Variants in RALGAPB observed in about 807,000 individuals in gnomAD.
The protein encoded by RALGAPB is ral GTPase-activating protein subunit beta.
A neutral mutation model predicts 161.1 loss-of-function variants in RALGAPB; 25 were observed. That is an observed-to-expected ratio of 0.16 (90% CI 0.11 to 0.22). The LOEUF (loss-of-function observed/expected upper bound fraction) is 0.22. Ranked by LOEUF, RALGAPB falls within the 10% of genes least tolerant of loss-of-function variation. RALGAPB has a pLI of 1.00. For synonymous variants in RALGAPB, 629 were observed against 626.1 expected, an observed-to-expected ratio of 1.00 and a Z score of -0.07; for missense variants, 1,391 against 1,815.2, an observed-to-expected ratio of 0.77 and a Z score of 4.25.
chr20:38,535,914 G>A (rs1385601409), intron 16 of RALGAPB, among the ~76,000 whole-genome samples: 3 of 152,058 alleles, frequency 2.0e-5, no homozygotes, highest in South Asian at 2.1e-4. Context: ...TTCTTTCCCA[G>A]CCGTTACTTC....
chr20:38,518,303 A>G (rs2086192302), intron 9 of RALGAPB, among the ~76,000 whole-genome samples: 1 of 152,182 alleles, frequency 6.6e-6, no homozygotes, highest in South Asian at 2.1e-4. Flanking sequence ...AGTTCCCTTC[A>G]TGTCAGCCAG....
intron 5 of RALGAPB, 39 bp downstream of exon 5, chr20:38,499,672 T>G (rs777598051): frequency 6.4e-7 from 1 of 1,566,612 alleles, no homozygotes; most frequent in South Asian, 1.2e-5. Flanking sequence ...TTCACCTGTC[T>G]GACCTTAGGC....
At chr20:38,512,601 A>G (rs2085993988) in intron 6 of RALGAPB, among the ~76,000 whole-genome samples, 2 of 152,330 alleles carry the variant, frequency 1.3e-5, no homozygotes, top group South Asian at 2.1e-4. Flanking sequence ...GAAGTAGAAC[A>G]CTGTTGAATT....
chr20:38,548,790 C>A lies in RALGAPB; in HGVS notation c.3004C>A (p.Gln1002Lys), dbSNP rs776540316. 1 of 1,607,702 alleles carries A rather than the reference C, an allele frequency of 6.2e-7. No homozygotes were observed. Among genetic ancestry groups the A allele is most frequent in the South Asian group, 1.1e-5 (1 of 90,938 alleles). ...TTTACCCAGAGGAGCAAAAGCAAATCAGAAGGTATTCATCAGAAGTTACAG... is the reference window on the plus strand; with the variant it reads ...TTTACCCAGAGGAGCAAAAGCAAATAAGAAGGTATTCATCAGAAGTTACAG... ...CLLPRGAKAN[Q>K]KLFVPEPRPV... The change falls in exon 20 of 30, where the codon CAG (glutamine) becomes AAG (lysine). Residue 1002 changes from glutamine (Q) to lysine (K), a missense_variant. Transcript: ENST00000262879.
chr20:38,515,717 C>CTTTTTCTT (rs151170103), intron 6 of RALGAPB, among the ~76,000 whole-genome samples: 2 of 151,586 alleles, frequency 1.3e-5, no homozygotes, highest in Admixed American at 6.6e-5. Context: ...CATTCCATTG[C>CTTTTTCTT]TTTTTCTTTT....
At chr20:38,550,865 C>T (rs571020677) in intron 20 of RALGAPB, among the ~76,000 whole-genome samples, 14 of 152,242 alleles carry the variant, frequency 9.2e-5, no homozygotes, top group African/African-American at 3.4e-4. Flanking sequence ...TATAAGAAGT[C>T]GATGAATATT....
At chr20:38,498,116 G>C (rs915387427) in intron 4 of RALGAPB, among the ~76,000 whole-genome samples, 1 of 150,754 alleles carries the variant, frequency 6.6e-6, no homozygotes, top group Admixed American at 6.6e-5. Flanking sequence ...TTAAATTAGA[G>C]CCTATAGATA....
intron 10 of RALGAPB, among the ~76,000 whole-genome samples, chr20:38,522,983 G>C (rs1193843504): frequency 6.6e-6 from 1 of 152,112 alleles, no homozygotes; most frequent in Non-Finnish European, 1.5e-5. Flanking sequence ...ATTGTAGTGT[G>C]CTTCTGAGTT....
chr20:38,540,966 G>C, intron 17 of RALGAPB, 75 bp from the exon 18 acceptor site: 1 of 1,519,334 alleles, frequency 6.6e-7, no homozygotes, highest in Non-Finnish European at 8.9e-7. Flanking sequence ...ACCACTGTTA[G>C]CATTTGGATG....
At chr20:38,515,818 GC>G (rs1600914083) in intron 6 of RALGAPB, among the ~76,000 whole-genome samples, 1 of 151,928 alleles carries the variant, frequency 6.6e-6, no homozygotes, top group African/African-American at 2.4e-5. Flanking sequence ...TGCAGCCTCG[GC>G]CTTGAACTCC....
At position 38,473,053 on chromosome 20, in the gene RALGAPB, C is replaced by T. The variant is rs1469124662; in HGVS notation, c.-47C>T. ...CGGCGCCCGCCCCGGCGATGCGGGC[C>T]CCGCCCGTCGCCTCAGGTAACCGGG... On this transcript the variant is annotated 5_prime_UTR_variant, in exon 1 of 30. Transcript: ENST00000262879. The T allele has an allele frequency of 2.9e-5, 11 of 376,964 alleles. No homozygotes were observed. The highest frequency in any genetic ancestry group is 1.4e-3 in the Middle Eastern group (2 of 1,460). 23.4% of individuals were successfully genotyped at this position (376,964 alleles called of 1,614,324 possible).
At chr20:38,504,492 C>G (rs770621905) in intron 5 of RALGAPB, among the ~76,000 whole-genome samples, 4 of 152,014 alleles carry the variant, frequency 2.6e-5, no homozygotes, top group African/African-American at 4.8e-5. Context: ...AGAAGAAAAC[C>G]TAGGAAACAC....
rs148307362 is a variant in RALGAPB, at chr20:38,533,271, G to A, written c.2245+412G>A. 5.9e-3 allele frequency among the ~76,000 whole-genome samples: 903 copies of A among 152,178 alleles called. 6 individuals are homozygous for A. The highest frequency in any genetic ancestry group is 0.021 in the African/African-American group (864 of 41,496). ...GGATTAGATAGCAGCCCAGAGGAGA[G>A]CATGTCTTCATGTTAAAACCTGTGT... On this transcript the variant is annotated intron_variant, in intron 15 of 29. Coordinates refer to ENST00000262879, the MANE Select transcript of RALGAPB (RefSeq NM_020336.4).
chr20:38,509,189 C>T lies in RALGAPB; in HGVS notation c.853C>T (p.Arg285Cys), dbSNP rs773030586. Residue 285 changes from arginine to cysteine, a missense_variant, in exon 6 of 30, where the codon CGC becomes TGC. Transcript: ENST00000262879. ...DNECVAQTWF[R>C]FLHMLSNPVD... ...TGAGTGTGTTGCACAGACATGGTTT[C>T]GCTTTTTACACATGTTAAGGTATTG... 17 of 1,613,586 alleles carry T rather than the reference C, an allele frequency of 1.1e-5. No homozygotes were observed. The highest frequency in any genetic ancestry group is 2.2e-5 in the East Asian group (1 of 44,890).
rs970226807 is a variant in RALGAPB at position 38,576,703 on chromosome 20, C to G, written c.*1736C>G. ...GAGCAAATTCTACCCTAAAAATGTT[C>G]TAGTAGTTCACAGGAAGAAGATGAG... On this transcript the variant is annotated 3_prime_UTR_variant, in exon 30 of 30. Coordinates refer to ENST00000262879, the MANE Select transcript of RALGAPB (RefSeq NM_020336.4). 8 of 152,518 alleles carry G rather than the reference C, an allele frequency of 5.2e-5. No homozygotes were observed. Among genetic ancestry groups the G allele is most frequent in the Non-Finnish European group, 8.8e-5 (6 of 68,022 alleles). The allele number at this position is 152,518 out of a possible 1,614,324, so 9.4% of individuals were successfully genotyped here.
intron 22 of RALGAPB, among the ~76,000 whole-genome samples, chr20:38,554,581 C>T (rs1450680041): frequency 6.6e-6 from 1 of 152,172 alleles, no homozygotes; most frequent in Non-Finnish European, 1.5e-5. Flanking sequence ...CACTGCTTGC[C>T]AGCTATGTGG....
chr20:38,517,401 T>C, intron 7 of RALGAPB, 105 bp from the exon 8 acceptor site: 2 of 1,160,678 alleles, frequency 1.7e-6, no homozygotes, highest in East Asian at 2.5e-5. Flanking sequence ...ATCTCTGCTA[T>C]AGTCTATGTG....
rs1306865433 is a variant in RALGAPB at position 38,576,454 on chromosome 20, T to C, written c.*1487T>C. 1 of 152,424 alleles carries C rather than the reference T, an allele frequency of 6.6e-6. No homozygotes were observed. Among genetic ancestry groups the C allele is most frequent in the African/African-American group, 2.4e-5 (1 of 41,458 alleles). 9.4% of individuals were successfully genotyped at this position (152,424 alleles called of 1,614,324 possible). On this transcript the variant is annotated 3_prime_UTR_variant, in exon 30 of 30. Coordinates refer to ENST00000262879, the MANE Select transcript of RALGAPB (RefSeq NM_020336.4). ...TCTCTTATTCCAGAAATGTGCATTT[T>C]GTCATCTATAAGCAAGAAATATGGG...
intron 25 of RALGAPB, 61 bp downstream of exon 25, chr20:38,565,539 A>G: frequency 1.3e-6 from 2 of 1,556,470 alleles, no homozygotes; most frequent in Non-Finnish European, 1.8e-6. Flanking sequence ...GGGTTGTGTG[A>G]TATTACTGCA....
Sources: gnomAD v4.1 joint callset for allele counts (sites outside exome capture counted in the v4.1 genomes callset) on GRCh38, gnomAD v4.1.1 for gene constraint, MANE v1.5 for transcripts, NCBI Gene and HGNC (gene_info 2026-07-23, HGNC 2026-07-21) for gene names.